EPHA7: variants seen among roughly 807,000 people sequenced by gnomAD.
The protein encoded by EPHA7 is EPH receptor A7, also known as ephrin type-A receptor 7.
Under a neutral mutation model 112.6 loss-of-function variants are expected in EPHA7, and 25 were observed. That is an observed-to-expected ratio of 0.22 (90% CI 0.16 to 0.31). The LOEUF (loss-of-function observed/expected upper bound fraction) is 0.31, where lower values mean the gene tolerates loss of function less well. Ranked by LOEUF, EPHA7 falls within the 10% of genes least tolerant of loss-of-function variation. The probability of loss-of-function intolerance (pLI) is 1.00; values close to 1 mark genes in which losing one functional copy is unlikely to be tolerated. For missense variants in EPHA7, 962 were observed against 1,212.6 expected, an observed-to-expected ratio of 0.79 and a Z score of 3.07; for synonymous variants, 437 against 406.5, an observed-to-expected ratio of 1.07 and a Z score of -0.90.
rs1769648373 is a variant in EPHA7, at chr6:93,240,575, A to C, written c.*2851T>G. ...GTTAGATTCAAATGTAGAACAAGTTACTTTTATTTCAGTACTGAATGCAAA... is the reference window on the plus strand; with the variant it reads ...GTTAGATTCAAATGTAGAACAAGTTCCTTTTATTTCAGTACTGAATGCAAA... On this transcript the variant is annotated 3_prime_UTR_variant, in exon 17 of 17. Transcript: ENST00000369303. 2 of 219,242 alleles carry C rather than the reference A, an allele frequency of 9.1e-6. No individual in the cohort carries two copies. Among genetic ancestry groups the C allele is most frequent in the African/African-American group, 4.5e-5 (2 of 44,596 alleles). The allele number at this position is 219,242 out of a possible 1,614,324, so 13.6% of individuals were successfully genotyped here.
intron 2 of EPHA7, among the ~76,000 whole-genome samples, chr6:93,412,214 T>TA (rs1175760844): frequency 1.3e-5 from 2 of 152,136 alleles, no homozygotes; most frequent in African/African-American, 2.4e-5. Flanking sequence ...ATTTCCCCAA[T>TA]AAAAAATTCA....
At chr6:93,291,426 C>A (rs554602463) in intron 5 of EPHA7, among the ~76,000 whole-genome samples, 1 of 151,996 alleles carries the variant, frequency 6.6e-6, no homozygotes, top group South Asian at 2.1e-4. Flanking sequence ...AAATATTTGA[C>A]AAAAGCTGCA....
At chr6:93,375,011 T>C (rs1776982183) in intron 3 of EPHA7, among the ~76,000 whole-genome samples, 1 of 152,170 alleles carries the variant, frequency 6.6e-6, no homozygotes, top group Admixed American at 6.5e-5. Flanking sequence ...AACTGCCTCA[T>C]TATATAAACC....
intron 3 of EPHA7, among the ~76,000 whole-genome samples, chr6:93,381,030 C>T (rs1442212200): frequency 6.6e-6 from 1 of 152,072 alleles, no homozygotes; most frequent in African/African-American, 2.4e-5. Context: ...TTAAGCAATG[C>T]CTCCTGAATA....
chr6:93,390,822 AG>A (rs1483389454), intron 3 of EPHA7, among the ~76,000 whole-genome samples: 2 of 151,942 alleles, frequency 1.3e-5, no homozygotes, highest in Non-Finnish European at 2.9e-5. Flanking sequence ...AAACTCATGC[AG>A]GTTTATCTCT....
chr6:93,275,248 T>C (rs2127887280), intron 5 of EPHA7, among the ~76,000 whole-genome samples: 1 of 151,956 alleles, frequency 6.6e-6, no homozygotes, highest in East Asian at 1.9e-4. Context: ...AAAATGAAAT[T>C]AGACATGTTG....
At chr6:93,293,576 A>C (rs1172381591) in intron 5 of EPHA7, among the ~76,000 whole-genome samples, 1 of 152,162 alleles carries the variant, frequency 6.6e-6, no homozygotes, top group African/African-American at 2.4e-5. Context: ...CAATCTGTCG[A>C]CACTGGTATC....
At chr6:93,387,959 ATAG>A (rs1466472284) in intron 3 of EPHA7, among the ~76,000 whole-genome samples, 37 of 152,108 alleles carry the variant, frequency 2.4e-4, no homozygotes, top group African/African-American at 8.4e-4. Flanking sequence ...AGATAGATAG[ATAG>A]ATAGATAGAT....
At chr6:93,325,557 A>C (rs1256917749) in intron 5 of EPHA7, among the ~76,000 whole-genome samples, 1 of 151,322 alleles carries the variant, frequency 6.6e-6, no homozygotes, top group Admixed American at 6.6e-5. Context: ...TACATTTTCT[A>C]ATCTTACCAA....
chr6:93,344,124 TATC>T (rs1009438133), intron 5 of EPHA7, among the ~76,000 whole-genome samples: 1 of 97,672 alleles, frequency 1.0e-5, no homozygotes, highest in Admixed American at 1.1e-4. Context: ...TCTATCTATC[TATC>T]ATCTATCATC....
At chr6:93,262,459 G>A (rs191731756) in intron 9 of EPHA7, among the ~76,000 whole-genome samples, 6 of 151,196 alleles carry the variant, frequency 4.0e-5, no homozygotes, top group Non-Finnish European at 5.9e-5. Flanking sequence ...ATACAGTTTG[G>A]GATACTTTTT....
chr6:93,271,713 A>AT (rs1771228473), intron 6 of EPHA7, among the ~76,000 whole-genome samples: 1 of 151,876 alleles, frequency 6.6e-6, no homozygotes, highest in African/African-American at 2.4e-5. Flanking sequence ...AAGCCATAAT[A>AT]TTTTTCCTGG....
At chr6:93,399,012 A>G (rs1289843724) in intron 3 of EPHA7, among the ~76,000 whole-genome samples, 2 of 152,084 alleles carry the variant, frequency 1.3e-5, no homozygotes, top group Non-Finnish European at 2.9e-5. Flanking sequence ...GTTAATTTTA[A>G]AAGTCAGTTT....
chr6:93,343,719 A>T (rs1279559455), intron 5 of EPHA7, among the ~76,000 whole-genome samples: 1 of 151,682 alleles, frequency 6.6e-6, no homozygotes, highest in Non-Finnish European at 1.5e-5. Context: ...CCAGGACACT[A>T]TAATTAAGAT....
intron 5 of EPHA7, among the ~76,000 whole-genome samples, chr6:93,351,830 G>A (rs1775710078): frequency 6.6e-6 from 1 of 151,952 alleles, no homozygotes; most frequent in Admixed American, 6.6e-5. Context: ...TCTTATAATT[G>A]TTTCAGGACA....
chr6:93,354,882 C>T (rs188339672), intron 5 of EPHA7, among the ~76,000 whole-genome samples: 11 of 152,180 alleles, frequency 7.2e-5, no homozygotes, highest in Admixed American at 7.2e-4. Context: ...TCAGCATCTC[C>T]TGGTTATATT....
chr6:93,290,329 T>C (rs1772295602), intron 5 of EPHA7, among the ~76,000 whole-genome samples: 4 of 152,120 alleles, frequency 2.6e-5, no homozygotes, highest in Admixed American at 2.6e-4. Flanking sequence ...TTCTTGGAAA[T>C]ATTTCTCATT....
At chr6:93,245,476 A>G in intron 15 of EPHA7, 23 bp from the exon 16 acceptor site, 1 of 1,600,596 alleles carries the variant, frequency 6.2e-7, no homozygotes, top group Non-Finnish European at 8.5e-7. Flanking sequence ...GAAACAGAAA[A>G]GCGAACATTA....
In EPHA7 at chr6:93,246,813, G is replaced by A. The variant is rs775894675; in HGVS notation, c.2705C>T (p.Thr902Ile). 124 of 1,609,414 alleles carry A rather than the reference G, an allele frequency of 7.7e-5. No individual in the cohort carries two copies. The highest frequency in any genetic ancestry group is 1.0e-4 in the Non-Finnish European group (119 of 1,176,070). Residue 902 changes from threonine (T) to isoleucine (I), a missense_variant, in exon 15 of 17, where the codon ACT becomes ATT. This residue lies in a region of EPHA7 where 746 missense variants were observed against 889.2 expected (regional missense o/e 0.84). Coordinates refer to ENST00000369303, the MANE Select transcript of EPHA7 (RefSeq NM_004440.4). ...TTACCTACTACAAGTTCCCAGGGGA[G>A]TTTTCAGACTATTTGGGTTTCGAAT... ...KMIRNPNSLK[T>I]PLGTCSRPIS...
Sources: allele counts gnomAD v4.1 joint callset (sites outside exome capture counted in the v4.1 genomes callset), GRCh38; gene constraint gnomAD v4.1.1; regional missense constraint gnomAD v4.1.1; transcripts MANE v1.5; gene names NCBI Gene and HGNC (gene_info 2026-07-23, HGNC 2026-07-21).